SIL1: variants seen among roughly 807,000 people sequenced by gnomAD.
SIL1 encodes SIL1 nucleotide exchange factor, also known as nucleotide exchange factor SIL1.
Under a neutral mutation model 49.1 loss-of-function variants are expected in SIL1, and 40 were observed. That is an observed-to-expected ratio of 0.81 (90% CI 0.63 to 1.06). SIL1 has a LOEUF of 1.06. Ranked by LOEUF, SIL1 falls within the 50% of genes least tolerant of loss-of-function variation. The pLI is 0.00. For synonymous variants in SIL1, 253 were observed against 250.8 expected (o/e 1.01, Z -0.08); for missense variants, 500 against 572.6 (o/e 0.87, Z 1.29).
At chr5:139,042,157 G>A (rs1728554921) in intron 5 of SIL1, among the ~76,000 whole-genome samples, 1 of 152,206 alleles carries the variant, frequency 6.6e-6, no homozygotes, top group Non-Finnish European at 1.5e-5. Context: ...CTGAAGCCTA[G>A]AAGAAACACA....
chr5:138,952,551 A>T (rs1266512431), intron 7 of SIL1, among the ~76,000 whole-genome samples: 2 of 152,252 alleles, frequency 1.3e-5, no homozygotes. Context: ...CTCAGCACTC[A>T]GCACAGAGCC....
chr5:139,073,842 G>C (rs1367994929), intron 3 of SIL1, among the ~76,000 whole-genome samples: 1 of 151,630 alleles, frequency 6.6e-6, no homozygotes, highest in Non-Finnish European at 1.5e-5. Context: ...GGAGGTTGCA[G>C]TGAGCCAAGA....
chr5:139,152,832 G>A (rs546521587), intron 1 of SIL1, among the ~76,000 whole-genome samples: 16 of 152,210 alleles, frequency 1.1e-4, no homozygotes, highest in Admixed American at 9.2e-4. Flanking sequence ...CCTGCCTATT[G>A]AGATGGAGTT....
intron 1 of SIL1, among the ~76,000 whole-genome samples, chr5:139,143,306 T>TACAC (rs752710937): frequency 0.012 from 1,483 of 123,614 alleles, 11 homozygotes; most frequent in Middle Eastern, 0.031. Flanking sequence ...TATACATATA[T>TACAC]ACACACACAC....
chr5:139,180,250 G>A (rs371629937), intron 1 of SIL1, among the ~76,000 whole-genome samples: 3 of 151,416 alleles, frequency 2.0e-5, no homozygotes, highest in African/African-American at 4.9e-5. Context: ...GCATAGTGGT[G>A]TGCACCTGTA....
intron 7 of SIL1, among the ~76,000 whole-genome samples, chr5:138,952,196 T>TCCCTCCCGTAGGAA (rs1766795675): frequency 6.6e-6 from 1 of 152,214 alleles, no homozygotes; most frequent in Non-Finnish European, 1.5e-5. Context: ...ATGCCGAAGG[T>TCCCTCCCGTAGGAA]GCTCCTTCAG....
chr5:139,046,497 T>C (rs1242009070), intron 4 of SIL1, among the ~76,000 whole-genome samples: 2 of 152,234 alleles, frequency 1.3e-5, no homozygotes. Flanking sequence ...TTGATCATTT[T>C]CTTGCTTCTC....
chr5:139,085,462 T>C (rs114218801), intron 3 of SIL1, among the ~76,000 whole-genome samples: 238 of 152,090 alleles, frequency 1.6e-3, no homozygotes, highest in African/African-American at 5.5e-3. Flanking sequence ...ACACCTGGCG[T>C]TGGGAAAACT....
chr5:139,109,584 C>G (rs148801252), intron 3 of SIL1, among the ~76,000 whole-genome samples: 2 of 151,828 alleles, frequency 1.3e-5, no homozygotes, highest in South Asian at 2.1e-4. Flanking sequence ...TCTGAAGCCC[C>G]TTTACCAATG....
chr5:139,157,158 T>C (rs536393373), intron 1 of SIL1, among the ~76,000 whole-genome samples: 84 of 152,352 alleles, frequency 5.5e-4, no homozygotes, highest in Non-Finnish European at 9.4e-4. Context: ...AATTATCTTC[T>C]TGATGTTCTA....
chr5:139,177,082 G>A (rs904300801), intron 1 of SIL1, among the ~76,000 whole-genome samples: 1 of 151,224 alleles, frequency 6.6e-6, no homozygotes, highest in Non-Finnish European at 1.5e-5. Context: ...ACAGGCGCCC[G>A]CCACCACAGC....
chr5:139,190,211 A>C lies in SIL1; in HGVS notation c.-11+8058T>G, dbSNP rs143856735. The stretch of plus-strand genomic sequence containing the variant: ...CTCTCTTTCTCTTAGAGATGTCTTG[A>C]AGGTTTGCTTGGATCACCAGATAAG... On this transcript the variant is annotated intron_variant, in intron 1 of 9. Coordinates refer to ENST00000394817, the MANE Select transcript of SIL1 (RefSeq NM_022464.5). 4.4e-3 allele frequency among the ~76,000 whole-genome samples: 663 copies of C among 152,344 alleles called. 4 individuals are homozygous for C. Among genetic ancestry groups the C allele is most frequent in the Non-Finnish European group, 6.7e-3 (453 of 68,032 alleles).
intron 7 of SIL1, among the ~76,000 whole-genome samples, chr5:138,991,890 T>C (rs1459559053): frequency 1.3e-5 from 2 of 152,194 alleles, no homozygotes; most frequent in Non-Finnish European, 2.9e-5. Context: ...AAATGGACCA[T>C]AGCAGCAGAG....
At chr5:139,060,317 G>GTGTT (rs58803304) in intron 3 of SIL1, among the ~76,000 whole-genome samples, 133,758 of 151,716 alleles carry the variant, frequency 0.88, 59,085 homozygotes, top group East Asian at 0.96. Flanking sequence ...AGGATTTGAG[G>GTGTT]TGTTTATTGT....
chr5:138,970,731 C>T (rs988485410), intron 7 of SIL1, among the ~76,000 whole-genome samples: 8 of 152,002 alleles, frequency 5.3e-5, no homozygotes, highest in South Asian at 2.1e-4. Context: ...ATGGGGAAAC[C>T]GTCTCTATAA....
At chr5:139,080,493 G>A (rs979008901) in intron 3 of SIL1, among the ~76,000 whole-genome samples, 1 of 152,162 alleles carries the variant, frequency 6.6e-6, no homozygotes, top group African/African-American at 2.4e-5. Context: ...ATTCTATATT[G>A]CACTCTAGTA....
intron 3 of SIL1, among the ~76,000 whole-genome samples, chr5:139,078,886 T>C (rs1770009343): frequency 6.6e-6 from 1 of 152,218 alleles, no homozygotes; most frequent in Non-Finnish European, 1.5e-5. Context: ...GGCCATTCAC[T>C]TTCTAGACCA....
At chr5:139,196,092 T>C (rs1477219203) in intron 1 of SIL1, among the ~76,000 whole-genome samples, 1 of 152,178 alleles carries the variant, frequency 6.6e-6, no homozygotes, top group Non-Finnish European at 1.5e-5. Flanking sequence ...CAGGAGGCTT[T>C]AGTGAGAGTA....
At chr5:139,123,185 C>T (rs963592331) in intron 2 of SIL1, among the ~76,000 whole-genome samples, 1 of 152,190 alleles carries the variant, frequency 6.6e-6, no homozygotes, top group African/African-American at 2.4e-5. Flanking sequence ...CCTCAAACCC[C>T]TCCTATCCCT....
Sources: allele counts gnomAD v4.1 joint callset (sites outside exome capture counted in the v4.1 genomes callset), GRCh38; gene constraint gnomAD v4.1.1; transcripts MANE v1.5; gene names NCBI Gene and HGNC (gene_info 2026-07-23, HGNC 2026-07-21).